Variants in KCNJ6 observed in about 807,000 individuals in gnomAD.
KCNJ6 encodes the protein G protein-activated inward rectifier potassium channel 2.
Under a neutral mutation model 34.2 loss-of-function variants are expected in KCNJ6, and 9 were observed. The ratio of observed to expected loss-of-function variants is 0.26; its 90% CI spans 0.16 to 0.46. The LOEUF (loss-of-function observed/expected upper bound fraction) is 0.46. Ranked by LOEUF, KCNJ6 falls within the 20% of genes least tolerant of loss-of-function variation. The pLI, the probability that KCNJ6 is intolerant of heterozygous loss-of-function variation, is 1.00. For synonymous variants in KCNJ6, 196 were observed against 207.1 expected, an observed-to-expected ratio of 0.95 and a Z score of 0.46; for missense variants, 236 against 531.3, an observed-to-expected ratio of 0.44 and a Z score of 5.46.
At chr21:37,790,143 A>G (rs2055210465) in intron 2 of KCNJ6, among the ~76,000 whole-genome samples, 1 of 152,222 alleles carries the variant, frequency 6.6e-6, no homozygotes. Flanking sequence ...TAAATGTTAC[A>G]TTCCATGTTT....
chr21:37,727,579 T>C (rs1195561423), intron 2 of KCNJ6, among the ~76,000 whole-genome samples: 1 of 151,870 alleles, frequency 6.6e-6, no homozygotes, highest in Non-Finnish European at 1.5e-5. Flanking sequence ...AGGGTTTAGG[T>C]TGATGTTATA....
At chr21:37,815,057 T>G (rs545310689) in intron 2 of KCNJ6, among the ~76,000 whole-genome samples, 3 of 152,122 alleles carry the variant, frequency 2.0e-5, no homozygotes, top group African/African-American at 7.2e-5. Context: ...TTTGGGATCT[T>G]AACATCAAAA....
In KCNJ6 at chr21:37,649,491, G is replaced by A. The variant is rs936574155; in HGVS notation, c.947-24007C>T. On this transcript the variant is annotated intron_variant, in intron 3 of 3. Transcript: ENST00000609713. ...AAGCTCTCAGCAGCAATCCCATGAC[G>A]AAACCCAGGAGACAGGGCTTTCTGT... 7.9e-5 allele frequency among the ~76,000 whole-genome samples: 12 copies of A among 152,110 alleles called. No individual in the cohort carries two copies. The South Asian group carries it at 2.1e-3, about 26-fold the overall frequency.
rs2055583631 is a variant in KCNJ6 at position 37,859,521 on chromosome 21, ATATATATAT to A, written c.-27-18821_-27-18813del. On this transcript the variant is annotated intron_variant, in intron 1 of 3. Transcript: ENST00000609713. ...TATATATATATATATATATATATATATATATATATAAAATACTTAAAAAGCTCTACAGAT... is the reference window on the plus strand; with the variant it reads ...TATATATATATATATATATATATATAAAAATACTTAAAAAGCTCTACAGAT... 7.2e-5 allele frequency among the ~76,000 whole-genome samples: 5 copies of A among 69,512 alleles called. 1 individual carries two copies. The highest frequency in any genetic ancestry group is 2.7e-4 in the African/African-American group (5 of 18,702). The allele number at this position is 69,512 out of a possible 152,430, so 45.6% of individuals were successfully genotyped here. A position where few individuals can be genotyped will look rare whatever the true frequency, so the allele number is the denominator to read the frequency against.
intron 1 of KCNJ6, among the ~76,000 whole-genome samples, chr21:37,914,495 G>C (rs1255659057): frequency 6.6e-6 from 1 of 152,182 alleles, no homozygotes; most frequent in Non-Finnish European, 1.5e-5. Flanking sequence ...AGGGAGTTGG[G>C]CACAACCGAT....
intron 3 of KCNJ6, among the ~76,000 whole-genome samples, chr21:37,688,033 A>G (rs558214233): frequency 1.3e-5 from 2 of 152,304 alleles, no homozygotes; most frequent in South Asian, 2.1e-4. Flanking sequence ...TTCTTATCTG[A>G]CCTGTTTTAG....
At chr21:37,914,529 C>A (rs1438896699) in intron 1 of KCNJ6, among the ~76,000 whole-genome samples, 1 of 152,230 alleles carries the variant, frequency 6.6e-6, no homozygotes, top group East Asian at 1.9e-4. Flanking sequence ...CCACAGGGCA[C>A]GCGGCTGGCG....
intron 3 of KCNJ6, among the ~76,000 whole-genome samples, chr21:37,631,029 C>A (rs1401868179): frequency 6.6e-6 from 1 of 152,158 alleles, no homozygotes; most frequent in Non-Finnish European, 1.5e-5. Flanking sequence ...CATAACACTT[C>A]AGTGACCTAT....
At chr21:37,896,517 G>A (rs2055788957) in intron 1 of KCNJ6, among the ~76,000 whole-genome samples, 1 of 152,186 alleles carries the variant, frequency 6.6e-6, no homozygotes, top group Admixed American at 6.5e-5. Context: ...AGTGGTGCCT[G>A]GAACATTACG....
chr21:37,859,237 T>C (rs1229609672), intron 1 of KCNJ6, among the ~76,000 whole-genome samples: 1 of 151,904 alleles, frequency 6.6e-6, no homozygotes, highest in Non-Finnish European at 1.5e-5. Context: ...AAAAAAGCTA[T>C]TTATAAAAGA....
intron 1 of KCNJ6, among the ~76,000 whole-genome samples, chr21:37,879,663 T>A (rs1249437679): frequency 6.6e-6 from 1 of 150,828 alleles, no homozygotes; most frequent in Non-Finnish European, 1.5e-5. Flanking sequence ...CAAAGTAAAA[T>A]TATGGAACTT....
At chr21:37,683,392 G>T (rs770911582) in intron 3 of KCNJ6, among the ~76,000 whole-genome samples, 2 of 152,190 alleles carry the variant, frequency 1.3e-5, no homozygotes, top group Admixed American at 6.5e-5. Flanking sequence ...TTTAAAGAGA[G>T]CAGCTTGAAT....
chr21:37,774,002 C>G (rs1029473967), intron 2 of KCNJ6, among the ~76,000 whole-genome samples: 1 of 152,166 alleles, frequency 6.6e-6, no homozygotes, highest in African/African-American at 2.4e-5. Context: ...ATCATTCCCT[C>G]AAGAACTTAA....
intron 2 of KCNJ6, among the ~76,000 whole-genome samples, chr21:37,838,027 C>T (rs370580791): frequency 9.2e-5 from 14 of 152,284 alleles, no homozygotes; most frequent in Middle Eastern, 6.8e-3. Flanking sequence ...ACATTGGGTA[C>T]GACTCTAAGG....
intron 2 of KCNJ6, among the ~76,000 whole-genome samples, chr21:37,755,689 G>A (rs1005960720): frequency 6.6e-6 from 1 of 152,240 alleles, no homozygotes; most frequent in South Asian, 2.1e-4. Flanking sequence ...GCATGGCTGA[G>A]TTGCCTTGAG....
chr21:37,625,583 G>A lies in KCNJ6; in HGVS notation c.947-99C>T. 1.9e-5 allele frequency: 15 copies of A among 784,722 alleles called. 1 individual carries two copies. In the South Asian group the frequency reaches 2.6e-4, roughly 14 times the overall value. The allele number at this position is 784,722 out of a possible 1,614,324, so 48.6% of individuals were successfully genotyped here. A position where few individuals can be genotyped will look rare whatever the true frequency, so the allele number is the denominator to read the frequency against. On this transcript the variant is annotated intron_variant, in intron 3 of 3. Coordinates refer to ENST00000609713, the MANE Select transcript of KCNJ6 (RefSeq NM_002240.5). Reference sequence around the variant, plus strand: ...AGGAGGAGTACTGCATGCAGCTGTTGAGACTGACCTGCATACGATGCCACA... The same window carrying A: ...AGGAGGAGTACTGCATGCAGCTGTTAAGACTGACCTGCATACGATGCCACA...
chr21:37,688,088 A>G (rs530744522), intron 3 of KCNJ6, among the ~76,000 whole-genome samples: 1 of 152,094 alleles, frequency 6.6e-6, no homozygotes, highest in Non-Finnish European at 1.5e-5. Flanking sequence ...CTATTTCTAT[A>G]GCTGATTTTT....
chr21:37,809,360 C>T (rs1190224732), intron 2 of KCNJ6, among the ~76,000 whole-genome samples: 2 of 151,742 alleles, frequency 1.3e-5, no homozygotes, highest in African/African-American at 2.4e-5. Flanking sequence ...GAACATCACA[C>T]TCCGGGGCCT....
Position 37,609,577 on chromosome 21 carries a change from C to T in KCNJ6, c.*15582G>A, listed in dbSNP as rs1456498870. 1 of 152,106 alleles carries T rather than the reference C, an allele frequency of 6.6e-6. No individual in the cohort carries two copies. The highest frequency in any genetic ancestry group is 1.5e-5 in the Non-Finnish European group (1 of 68,036). 9.4% of individuals were successfully genotyped at this position (152,106 alleles called of 1,614,324 possible). On this transcript the variant is annotated 3_prime_UTR_variant, in exon 4 of 4. Transcript: ENST00000609713. ...AGGAAAGACAAATACAATGAATTAT[C>T]TTATGATTAATAATGAAAAGTGGCC...
Sources: gnomAD v4.1 joint callset for allele counts (sites outside exome capture counted in the v4.1 genomes callset) on GRCh38, gnomAD v4.1.1 for gene constraint, MANE v1.5 for transcripts, NCBI Gene and HGNC (gene_info 2026-07-23, HGNC 2026-07-21) for gene names.